SOAT1: variants seen among roughly 807,000 people sequenced by gnomAD.
SOAT1 encodes the protein sterol O-acyltransferase 1, also known as acyl-coenzyme A:cholesterol acyltransferase 1.
In SOAT1, 55 loss-of-function variants were observed where a neutral mutation model predicts 69.5. The observed-to-expected ratio is 0.79, with a 90% CI of 0.64 to 0.99. The LOEUF (loss-of-function observed/expected upper bound fraction) is 0.99. Among genes scored for constraint, SOAT1 ranks in the 50% least tolerant of loss-of-function variants. The probability of loss-of-function intolerance (pLI) is 0.00; values close to 1 mark genes in which losing one functional copy is unlikely to be tolerated. For missense variants in SOAT1, 580 were observed against 669.3 expected (o/e 0.87, Z 1.47); for synonymous variants, 231 against 224.7 (o/e 1.03, Z -0.25).
At chr1:179,353,139 T>G (rs1666790106) in intron 15 of SOAT1, among the ~76,000 whole-genome samples, 2 of 119,012 alleles carry the variant, frequency 1.7e-5, no homozygotes, top group South Asian at 5.6e-4. Flanking sequence ...TATATTTATT[T>G]ATATATTATA....
At chr1:179,296,067 C>T (rs1056708387) in intron 1 of SOAT1, among the ~76,000 whole-genome samples, 9 of 146,810 alleles carry the variant, frequency 6.1e-5, no homozygotes, top group African/African-American at 1.3e-4. Flanking sequence ...GTGATCCACC[C>T]GCCTCAGCCT....
rs1326056931 is a variant in SOAT1, at chr1:179,354,316, A to T, written c.*675A>T. ...CATGAATTCTTGAGTTTACATCAAT[A>T]ATATTGTATATTAAGGGGATCAGAA... On this transcript the variant is annotated 3_prime_UTR_variant, in exon 16 of 16. Coordinates refer to ENST00000367619, the MANE Select transcript of SOAT1 (RefSeq NM_003101.6). 9 of 152,792 alleles carry T rather than the reference A, an allele frequency of 5.9e-5. No homozygotes were observed. The highest frequency in any genetic ancestry group is 1.0e-4 in the Non-Finnish European group (7 of 68,054). 9.5% of individuals were successfully genotyped at this position (152,792 alleles called of 1,614,324 possible).
chr1:179,310,888 C>T (rs1475798), intron 2 of SOAT1, among the ~76,000 whole-genome samples: 33,027 of 152,142 alleles, frequency 0.22, 4,592 homozygotes, highest in East Asian at 0.38. Context: ...TTATTAGTCA[C>T]TGCTTAGTAT....
intron 2 of SOAT1, among the ~76,000 whole-genome samples, chr1:179,303,750 AT>A (rs1664912882): frequency 6.6e-6 from 1 of 152,204 alleles, no homozygotes; most frequent in South Asian, 2.1e-4. Flanking sequence ...TTAGTGTGAT[AT>A]AAAATGTGAA....
At chr1:179,345,439 A>G (rs1380146603) in intron 11 of SOAT1, among the ~76,000 whole-genome samples, 2 of 152,238 alleles carry the variant, frequency 1.3e-5, no homozygotes, top group African/African-American at 2.4e-5. Flanking sequence ...TGTAGAAATT[A>G]CTAGTAATCC....
intron 11 of SOAT1, among the ~76,000 whole-genome samples, chr1:179,347,375 A>C (rs1420698851): frequency 6.6e-6 from 1 of 151,156 alleles, no homozygotes. Flanking sequence ...AAAAAAAAAA[A>C]CCAGACTGGG....
At chr1:179,326,393 C>A (rs1040592407) in intron 3 of SOAT1, among the ~76,000 whole-genome samples, 1 of 152,116 alleles carries the variant, frequency 6.6e-6, no homozygotes, top group Non-Finnish European at 1.5e-5. Flanking sequence ...CTACTATATA[C>A]TCTATATGTA....
chr1:179,333,833 CA>C (rs11378989), intron 3 of SOAT1, among the ~76,000 whole-genome samples: 7,222 of 133,552 alleles, frequency 0.054, 195 homozygotes, highest in Middle Eastern at 0.087. Flanking sequence ...AACTCCGTCT[CA>C]AAAAAAAAAA....
At chr1:179,326,714 T>C (rs1335219593) in intron 3 of SOAT1, among the ~76,000 whole-genome samples, 1 of 151,976 alleles carries the variant, frequency 6.6e-6, no homozygotes, top group East Asian at 1.9e-4. Flanking sequence ...TGTGCCACCA[T>C]GCCCGGCTAA....
rs780761826 is a variant in SOAT1 at position 179,357,762 on chromosome 1, T to G, written c.*4121T>G. ...TACAAAAATTAGCCAGGCGTGGTGG[T>G]GCACGCCTGTAGTCTCAGCTACTCA... On this transcript the variant is annotated 3_prime_UTR_variant, in exon 16 of 16. Transcript: ENST00000367619. The G allele has an allele frequency of 1.3e-5, 2 of 152,200 alleles. No individual in the cohort carries two copies. Among genetic ancestry groups the G allele is most frequent in the Non-Finnish European group, 2.9e-5 (2 of 68,094 alleles). 9.4% of individuals were successfully genotyped at this position (152,200 alleles called of 1,614,324 possible).
chr1:179,308,083 C>A (rs565128418), intron 2 of SOAT1, among the ~76,000 whole-genome samples: 18 of 152,298 alleles, frequency 1.2e-4, no homozygotes, highest in Admixed American at 5.9e-4. Flanking sequence ...AGCCACTGCG[C>A]CTGGCCTCAT....
At chr1:179,339,726 C>A (rs1249514319) in intron 6 of SOAT1, among the ~76,000 whole-genome samples, 181 bp downstream of exon 6, 1 of 152,156 alleles carries the variant, frequency 6.6e-6, no homozygotes, top group Admixed American at 6.6e-5. Flanking sequence ...AGTTTCATTA[C>A]TTTTATTTTT....
chr1:179,337,980 A>G, intron 5 of SOAT1, 84 bp downstream of exon 5: 7 of 903,560 alleles, frequency 7.7e-6, no homozygotes, highest in Non-Finnish European at 1.2e-5. Context: ...ATGGACATGT[A>G]ATGAGTTCTG....
At chr1:179,318,454 A>G (rs1665472659) in intron 2 of SOAT1, among the ~76,000 whole-genome samples, 1 of 152,220 alleles carries the variant, frequency 6.6e-6, no homozygotes. Flanking sequence ...CTCAGTCAGA[A>G]TACCGCCGTT....
intron 3 of SOAT1, among the ~76,000 whole-genome samples, chr1:179,326,874 T>C (rs1665813324): frequency 6.6e-6 from 1 of 152,132 alleles, no homozygotes; most frequent in East Asian, 1.9e-4. Context: ...GCAATGTTTC[T>C]GAACAAGATA....
At chr1:179,352,666 G>A (rs1225005150) in intron 15 of SOAT1, among the ~76,000 whole-genome samples, 2 of 128,726 alleles carry the variant, frequency 1.6e-5, no homozygotes, top group African/African-American at 5.5e-5. Context: ...CAACCTTCCA[G>A]GTTTGGAGGG....
chr1:179,340,642 T>C (rs1183772284), intron 6 of SOAT1, among the ~76,000 whole-genome samples: 1 of 152,190 alleles, frequency 6.6e-6, no homozygotes, highest in Non-Finnish European at 1.5e-5. Context: ...TCATCTTTTG[T>C]ACATAAGAAC....
chr1:179,301,853 A>G (rs1022885000), intron 1 of SOAT1, among the ~76,000 whole-genome samples: 4 of 152,224 alleles, frequency 2.6e-5, no homozygotes, highest in Non-Finnish European at 5.9e-5. Flanking sequence ...TGGAATGCAC[A>G]GTTCTCATCC....
At chr1:179,301,405 C>A (rs1451841234) in intron 1 of SOAT1, among the ~76,000 whole-genome samples, 3 of 152,186 alleles carry the variant, frequency 2.0e-5, no homozygotes, top group Non-Finnish European at 4.4e-5. Context: ...CATCACATTT[C>A]TCCATTACCA....
Sources: gnomAD v4.1 joint callset for allele counts (sites outside exome capture counted in the v4.1 genomes callset) on GRCh38, gnomAD v4.1.1 for gene constraint, MANE v1.5 for transcripts, NCBI Gene and HGNC (gene_info 2026-07-23, HGNC 2026-07-21) for gene names.